The following WNT9A variants were observed in gnomAD, a reference collection of about 807,000 sequenced individuals.
The protein encoded by WNT9A is Wnt family member 9A.
A neutral mutation model predicts 31.4 loss-of-function variants in WNT9A; 8 were observed. The ratio of observed to expected loss-of-function variants is 0.26; its 90% CI spans 0.15 to 0.46. The LOEUF is 0.46. WNT9A is among the 20% of genes least tolerant of loss of function. The probability of loss-of-function intolerance (pLI) is 0.99; values close to 1 mark genes in which losing one functional copy is unlikely to be tolerated. For synonymous variants in WNT9A, 236 were observed against 220.1 expected, an observed-to-expected ratio of 1.07 and a Z score of -0.64; for missense variants, 457 against 522.9, an observed-to-expected ratio of 0.87 and a Z score of 1.23.
chr1:227,933,588 T>C (rs1666544667), intron 1 of WNT9A, among the ~76,000 whole-genome samples: 1 of 152,212 alleles, frequency 6.6e-6, no homozygotes. Context: ...TAATCATTCT[T>C]CACTTTAAAG....
At chr1:227,924,648 G>C (rs371722889) in intron 2 of WNT9A, among the ~76,000 whole-genome samples, 131 of 152,288 alleles carry the variant, frequency 8.6e-4, no homozygotes, top group Middle Eastern at 3.4e-3. Flanking sequence ...CTCCGGCTCC[G>C]TGGTCACAGT....
intron 1 of WNT9A, chr1:227,941,496 T>C (rs631768): frequency 0.59 from 90,420 of 153,284 alleles, 26,829 homozygotes; most frequent in African/African-American, 0.67. Context: ...GGAGACTCCA[T>C]GGGGACCCTC....
At chr1:227,927,180 A>G (rs1001850034) in intron 1 of WNT9A, among the ~76,000 whole-genome samples, 12 of 152,132 alleles carry the variant, frequency 7.9e-5, no homozygotes, top group African/African-American at 2.9e-4. Context: ...AACGGCCCCC[A>G]TCAGTCAGTG....
chr1:227,922,336 C>T (rs1446086134), intron 3 of WNT9A, among the ~76,000 whole-genome samples: 1 of 152,192 alleles, frequency 6.6e-6, no homozygotes, highest in African/African-American at 2.4e-5. Flanking sequence ...GACCTTCTGC[C>T]CCCATTCCCA....
Position 227,921,620 on chromosome 1 carries a change from G to T in WNT9A, c.996C>A (p.Ser332Arg), listed in dbSNP as rs769560397. The change falls in exon 4 of 4, where the codon AGC becomes AGA. Residue 332 changes from serine (S) to arginine (R), a missense_variant. Transcript: ENST00000272164. ...ACTGGCAGGGCCTTGTCACCACCCG[G>T]CTCTGTGTGTTATGGCCGCGGCCAC... Reference protein sequence around the residue: ...ICCGRGHNTQSRVVTRPCQCQ... With the variant: ...ICCGRGHNTQRRVVTRPCQCQ... 1.5e-5 allele frequency: 25 copies of T among 1,613,334 alleles called. No homozygotes were observed. In the Admixed American group the frequency reaches 4.2e-4, roughly 27 times the overall value.
At chr1:227,935,782 C>T (rs566497761) in intron 1 of WNT9A, among the ~76,000 whole-genome samples, 1 of 152,300 alleles carries the variant, frequency 6.6e-6, no homozygotes, top group South Asian at 2.1e-4. Flanking sequence ...CTCTGCTCAT[C>T]TGAAGTTGCA....
At position 227,921,524 on chromosome 1, in the gene WNT9A, C is replaced by T; in HGVS notation, c.1092G>A (p.Lys364=). 6.2e-7 allele frequency: 1 copy of T among 1,605,986 alleles called. No homozygotes were observed. Among genetic ancestry groups the T allele is most frequent in the East Asian group, 2.2e-5 (1 of 44,666 alleles). ...CTQREEVYTC[K]G ...GCTGGCAGGGCCTGGGAACTCAGCC[C>T]TTGCAGGTGTAGACCTCCTCACGCT... Residue 364 remains lysine, a synonymous_variant, in exon 4 of 4, where the codon AAG becomes AAA. Coordinates refer to ENST00000272164, the MANE Select transcript of WNT9A (RefSeq NM_003395.4).
chr1:227,929,247 T>C (rs886915984), intron 1 of WNT9A, among the ~76,000 whole-genome samples: 3 of 151,590 alleles, frequency 2.0e-5, no homozygotes, highest in Admixed American at 6.7e-5. Context: ...CCAGGCAACA[T>C]AGCAAGACCC....
chr1:227,925,542 G>C lies in WNT9A; in HGVS notation c.96-23C>G. The stretch of plus-strand genomic sequence containing the variant: ...AGCCTGGGCACAGAGAGGCCAGCAT[G>C]AGCCCGGCCCCAGGAAGCCCTGCTG... On this transcript the variant is annotated intron_variant, in intron 1 of 3. Transcript: ENST00000272164. The surrounding 1 kb of genome is among the most constrained non-coding windows in gnomAD (Gnocchi z 6.0). The C allele has an allele frequency of 6.7e-7, 1 of 1,494,844 alleles. No individual in the cohort carries two copies. The highest frequency in any genetic ancestry group is 8.9e-7 in the Non-Finnish European group (1 of 1,125,438). The allele number at this position is 1,494,844 out of a possible 1,614,324, so 92.6% of individuals were successfully genotyped here.
At chr1:227,924,524 C>T in intron 2 of WNT9A, 124 bp from the exon 3 acceptor site, 1 of 1,387,742 alleles carries the variant, frequency 7.2e-7, no homozygotes, top group Non-Finnish European at 9.7e-7. Flanking sequence ...TTTCCTGGTG[C>T]TGCACTCGGG....
At chr1:227,941,761 G>A (rs1336003924) in intron 1 of WNT9A, 1 of 152,432 alleles carries the variant, frequency 6.6e-6, no homozygotes, top group African/African-American at 2.4e-5. Flanking sequence ...GGGTTCTGGG[G>A]GCCTGGCTCA....
At chr1:227,936,832 T>C (rs1666603277) in intron 1 of WNT9A, among the ~76,000 whole-genome samples, 1 of 152,198 alleles carries the variant, frequency 6.6e-6, no homozygotes, top group Middle Eastern at 3.2e-3. Flanking sequence ...GGTGAACTTA[T>C]TTTTACTTTT....
At chr1:227,934,693 A>G (rs1666561210) in intron 1 of WNT9A, among the ~76,000 whole-genome samples, 1 of 151,580 alleles carries the variant, frequency 6.6e-6, no homozygotes, top group African/African-American at 2.4e-5. Context: ...TAAAATGTGC[A>G]CTTAAAGCTA....
In WNT9A at chr1:227,921,378, C is replaced by G; in HGVS notation, c.*140G>C. On this transcript the variant is annotated 3_prime_UTR_variant, in exon 4 of 4. Coordinates refer to ENST00000272164, the MANE Select transcript of WNT9A (RefSeq NM_003395.4). ...GGACTCAGCCCATGCAGGTGTAGAC[C>G]CATTCACACTGTGTGCAATGCCTGT... is the stretch of plus-strand genomic sequence containing the variant. The G allele has an allele frequency of 7.4e-7, 1 of 1,359,858 alleles. No individual in the cohort carries two copies. Among genetic ancestry groups the G allele is most frequent in the South Asian group, 1.4e-5 (1 of 70,378 alleles). The allele number at this position is 1,359,858 out of a possible 1,614,324, so 84.2% of individuals were successfully genotyped here.
In WNT9A at chr1:227,924,362, C is replaced by A; in HGVS notation, c.391G>T (p.Ala131Ser). Residue 131 changes from alanine to serine, a missense_variant, in exon 3 of 4, where the codon GCT becomes TCT. Coordinates refer to ENST00000272164, the MANE Select transcript of WNT9A (RefSeq NM_003395.4). ...TTGGCCAGTGCGTGCGTCAGGCCAG[C>A]CGAGGAGATGGCATAGAGGAAGGCA... is the stretch of plus-strand genomic sequence containing the variant. The part of the protein sequence containing the change: ...ETAFLYAISS[A>S]GLTHALAKAC... The A allele has an allele frequency of 6.2e-7, 1 of 1,613,256 alleles. No homozygotes were observed. The highest frequency in any genetic ancestry group is 1.3e-5 in the African/African-American group (1 of 75,048).
At chr1:227,927,464 G>A (rs758854855) in intron 1 of WNT9A, among the ~76,000 whole-genome samples, 1 of 152,208 alleles carries the variant, frequency 6.6e-6, no homozygotes, top group African/African-American at 2.4e-5. Context: ...GAAGGGCAGT[G>A]CAGGCAGGTC....
intron 3 of WNT9A, 29 bp downstream of exon 3, chr1:227,924,109 T>C (rs893723785): frequency 9.0e-7 from 1 of 1,105,500 alleles, no homozygotes; most frequent in Non-Finnish European, 1.2e-6. Context: ...GACCCTCCCT[T>C]CCCACCCCGC....
chr1:227,944,754 T>C (rs1279576077), intron 1 of WNT9A, among the ~76,000 whole-genome samples: 2 of 152,354 alleles, frequency 1.3e-5, no homozygotes, highest in East Asian at 1.9e-4. Context: ...AGGGGGCAAA[T>C]TGGCAGGGCC....
chr1:227,947,746 C>T lies in WNT9A; in HGVS notation c.95+47G>A, dbSNP rs556161682. Reference sequence around the variant, plus strand: ...GACTCCGGACGACCCCGCCCCGGCCCCGCCGCCCCCGCCCACCAGTGCGCG... The same window carrying T: ...GACTCCGGACGACCCCGCCCCGGCCTCGCCGCCCCCGCCCACCAGTGCGCG... On this transcript the variant is annotated intron_variant, in intron 1 of 3. Transcript: ENST00000272164. 5.1e-5 allele frequency: 53 copies of T among 1,036,842 alleles called. 1 individual carries two copies. In the African/African-American group the frequency reaches 8.9e-4, roughly 17 times the overall value. The allele number at this position is 1,036,842 out of a possible 1,614,324, so 64.2% of individuals were successfully genotyped here.
Sources: allele counts gnomAD v4.1 joint callset (sites outside exome capture counted in the v4.1 genomes callset), GRCh38; gene constraint gnomAD v4.1.1; non-coding constraint Gnocchi (gnomAD v3.1); transcripts MANE v1.5; gene names NCBI Gene and HGNC (gene_info 2026-07-23, HGNC 2026-07-21).